SDK1: variants seen among roughly 807,000 people sequenced by gnomAD.
SDK1 encodes sidekick cell adhesion molecule 1.
In SDK1, 157 loss-of-function variants were observed where a neutral mutation model predicts 245.5. That is an observed-to-expected ratio of 0.64 (90% CI 0.56 to 0.73). The LOEUF (loss-of-function observed/expected upper bound fraction) is 0.73, where lower values mean the gene tolerates loss of function less well. Ranked by LOEUF, SDK1 falls within the 30% of genes least tolerant of loss-of-function variation. SDK1 has a pLI of 0.00. For missense variants in SDK1, 3,583 were observed against 3,002.3 expected (o/e 1.19, Z -4.52); for synonymous variants, 1,647 against 1,278.5 (o/e 1.29, Z -6.15).
Position 4,241,906 on chromosome 7 carries a change from G to C in SDK1, c.6244G>C (p.Gly2082Arg). The C allele has an allele frequency of 6.2e-7, 1 of 1,613,328 alleles. No homozygotes were observed. The highest frequency in any genetic ancestry group is 8.5e-7 in the Non-Finnish European group (1 of 1,180,038). Residue 2082 changes from glycine to arginine, a missense_variant, in exon 43 of 45, where the codon GGG (glycine) becomes CGG (arginine). By Grantham distance (125) the Gly-to-Arg change is moderately radical. Transcript: ENST00000404826. ...NVKSTFSKKNGTRSPPRPSPG... is the reference protein window; with the variant it reads ...NVKSTFSKKNRTRSPPRPSPG... ...CAAGAGCACCTTCTCCAAGAAGAAC[G>C]GGACCAGGTAGGCAGGCAGTGCTGT...
intron 1 of SDK1, among the ~76,000 whole-genome samples, chr7:3,321,839 CT>C (rs1779822514): frequency 2.6e-5 from 3 of 117,284 alleles, no homozygotes; most frequent in African/African-American, 1.1e-4. Context: ...CTCCTTTTCT[CT>C]CTCTCTCTCT....
chr7:3,836,238 G>A (rs1780025704), intron 5 of SDK1, among the ~76,000 whole-genome samples: 1 of 152,166 alleles, frequency 6.6e-6, no homozygotes, highest in Non-Finnish European at 1.5e-5. Flanking sequence ...TTACAAATGA[G>A]CTATAAATAT....
At chr7:4,017,406 T>C in intron 17 of SDK1, 54 bp downstream of exon 17, 1 of 1,509,206 alleles carries the variant, frequency 6.6e-7, no homozygotes, top group Middle Eastern at 1.8e-4. Flanking sequence ...GGGAATGGGA[T>C]TTGCAAGGTT....
chr7:3,710,466 T>C (rs1243491753), intron 4 of SDK1, among the ~76,000 whole-genome samples: 1 of 152,244 alleles, frequency 6.6e-6, no homozygotes, highest in Admixed American at 6.5e-5. Context: ...TAAGGACTAA[T>C]GTCATTAGGG....
chr7:3,931,568 G>A (rs910143921), intron 5 of SDK1, among the ~76,000 whole-genome samples: 6 of 152,096 alleles, frequency 3.9e-5, no homozygotes, highest in Non-Finnish European at 8.8e-5. Flanking sequence ...ATAATTTTGC[G>A]GGAAATCCTT....
In SDK1 at chr7:3,891,252, T is replaced by C. The variant is rs554756526; in HGVS notation, c.848-59671T>C. On this transcript the variant is annotated intron_variant, in intron 5 of 44. Transcript: ENST00000404826. ...GTAGGCTGGGAGTAGGGGGTGTCGA[T>C]TGGGCCTCAGTCGTGCTCCCGGGGA... Among the ~76,000 whole-genome samples the C allele has an allele frequency of 7.9e-5, 12 of 152,198 alleles. No individual in the cohort carries two copies. In the East Asian group the frequency reaches 9.7e-4, roughly 12 times the overall value.
intron 4 of SDK1, among the ~76,000 whole-genome samples, chr7:3,790,862 G>A (rs1781060118): frequency 6.6e-6 from 1 of 152,084 alleles, no homozygotes; most frequent in Admixed American, 6.5e-5. Flanking sequence ...TTGGGGCTAG[G>A]GAGGTTGGGA....
In SDK1 at chr7:3,951,682, A is replaced by T. The variant is rs368962964; in HGVS notation, c.960-48A>T. On this transcript the variant is annotated intron_variant, in intron 6 of 44. Coordinates refer to ENST00000404826, the MANE Select transcript of SDK1 (RefSeq NM_152744.4). ...AGTGCCTGAGATGATGACCGTTGCC[A>T]CCTCCCTGAGTCACAATCGTCGTCA... The T allele has an allele frequency of 4.5e-5, 70 of 1,563,112 alleles. No individual in the cohort carries two copies. In the African/African-American group the frequency reaches 8.7e-4, roughly 19 times the overall value.
chr7:3,978,048 C>A (rs1783105378), intron 13 of SDK1, among the ~76,000 whole-genome samples: 2 of 152,164 alleles, frequency 1.3e-5, no homozygotes, highest in African/African-American at 4.8e-5. Context: ...CAGCCCTGCT[C>A]CTGCCTCTTT....
chr7:3,590,965 C>G (rs879840374), intron 1 of SDK1, among the ~76,000 whole-genome samples: 1 of 151,790 alleles, frequency 6.6e-6, no homozygotes, highest in Admixed American at 6.6e-5. Context: ...GTATTTTTTG[C>G]AGACATGGAG....
In SDK1 at chr7:4,174,205, G is replaced by A. The variant is rs531488129; in HGVS notation, c.4801-17G>A. The A allele has an allele frequency of 3.3e-4, 539 of 1,613,794 alleles. 5 individuals carry two copies. The South Asian group carries it at 5.6e-3, about 17-fold the overall frequency. Reference sequence around the variant, plus strand: ...TGACTCCCATGGTGTGGCTGAGTCGGTGTGATGTCTTTGCAGCCTCCGAGG... The same window carrying A: ...TGACTCCCATGGTGTGGCTGAGTCGATGTGATGTCTTTGCAGCCTCCGAGG... On this transcript the variant is annotated splice_polypyrimidine_tract_variant and intron_variant, in intron 32 of 44. Transcript: ENST00000404826.
chr7:3,356,321 A>G (rs1031926230), intron 1 of SDK1, among the ~76,000 whole-genome samples: 2 of 152,178 alleles, frequency 1.3e-5, no homozygotes, highest in Non-Finnish European at 2.9e-5. Context: ...AACCAACTGT[A>G]AAATAAACAT....
intron 25 of SDK1, among the ~76,000 whole-genome samples, chr7:4,122,688 T>G (rs1011557271): frequency 6.6e-6 from 1 of 151,714 alleles, no homozygotes; most frequent in Non-Finnish European, 1.5e-5. Flanking sequence ...TAGTGTGAAA[T>G]CCTACAGAGG....
At position 3,787,709 on chromosome 7, in the gene SDK1, A is replaced by C. The variant is rs140536403; in HGVS notation, c.714-33741A>C. 2.2e-3 allele frequency among the ~76,000 whole-genome samples: 338 copies of C among 152,288 alleles called. 1 individual carries two copies. Among genetic ancestry groups the C allele is most frequent in the African/African-American group, 7.5e-3 (312 of 41,564 alleles). On this transcript the variant is annotated intron_variant, in intron 4 of 44. Coordinates refer to ENST00000404826, the MANE Select transcript of SDK1 (RefSeq NM_152744.4). The stretch of plus-strand genomic sequence containing the variant: ...AATACTGGCCAGGTCATCAGAAAAC[A>C]GTTAACTCAGAGATGCTCTCTAAAA...
intron 4 of SDK1, among the ~76,000 whole-genome samples, chr7:3,661,728 C>G (rs954701880): frequency 3.3e-5 from 5 of 152,086 alleles, no homozygotes; most frequent in Admixed American, 1.3e-4. Flanking sequence ...AAAATGGTGG[C>G]TAAGAATGTA....
intron 1 of SDK1, among the ~76,000 whole-genome samples, chr7:3,413,643 A>G (rs1406608827): frequency 6.6e-6 from 1 of 152,034 alleles, no homozygotes; most frequent in African/African-American, 2.4e-5. Flanking sequence ...TTGAGCTGAG[A>G]TCACACCACT....
chr7:3,642,792 A>G (rs1782693340), intron 4 of SDK1: 1 of 152,226 alleles, frequency 6.6e-6, no homozygotes. Flanking sequence ...ACATTTTACA[A>G]CCTAATTTAA....
At chr7:3,517,191 A>T (rs1018662072) in intron 1 of SDK1, among the ~76,000 whole-genome samples, 12 of 152,152 alleles carry the variant, frequency 7.9e-5, no homozygotes, top group Non-Finnish European at 1.5e-4. Context: ...GTGTGATAGG[A>T]AGCTGTATTA....
At chr7:3,806,215 C>T (rs79006551) in intron 4 of SDK1, among the ~76,000 whole-genome samples, 2,079 of 152,348 alleles carry the variant, frequency 0.014, 27 homozygotes, top group Middle Eastern at 0.027. Context: ...ACAATCTTCC[C>T]ATCTTTAGAT....
Sources: allele counts gnomAD v4.1 joint callset (sites outside exome capture counted in the v4.1 genomes callset), GRCh38; gene constraint gnomAD v4.1.1; transcripts MANE v1.5; gene names NCBI Gene and HGNC (gene_info 2026-07-23, HGNC 2026-07-21).